Variants in KCNK2 observed in about 807,000 individuals in gnomAD.
The protein encoded by KCNK2 is potassium channel subfamily K member 2.
In KCNK2, 21 loss-of-function variants were observed where a neutral mutation model predicts 40.5. That is an observed-to-expected ratio of 0.52 (90% confidence interval 0.37 to 0.75). The LOEUF (loss-of-function observed/expected upper bound fraction) is 0.75. KCNK2 is among the 30% of genes least tolerant of loss of function. KCNK2 has a pLI of 0.00. For synonymous variants in KCNK2, 191 were observed against 202.2 expected (o/e 0.94, Z 0.47); for missense variants, 399 against 531.6 (o/e 0.75, Z 2.45).
intron 3 of KCNK2, among the ~76,000 whole-genome samples, chr1:215,153,133 G>A (rs1468862930): frequency 6.6e-6 from 1 of 152,194 alleles, no homozygotes; most frequent in Non-Finnish European, 1.5e-5. Flanking sequence ...TTATCCAAAA[G>A]TGTTGCTTAC....
At chr1:215,035,255 C>T (rs1657345381) in intron 1 of KCNK2, among the ~76,000 whole-genome samples, 1 of 152,020 alleles carries the variant, frequency 6.6e-6, no homozygotes, top group Non-Finnish European at 1.5e-5. Flanking sequence ...CCTGTCAACC[C>T]CTGACATCCT....
In KCNK2 at chr1:215,138,490, G is replaced by A. The variant is rs568039306; in HGVS notation, c.475+13740G>A. Among the ~76,000 whole-genome samples the A allele has an allele frequency of 2.0e-5, 3 of 152,272 alleles. No homozygotes were observed. The South Asian group carries it at 6.2e-4, about 32-fold the overall frequency. On this transcript the variant is annotated intron_variant, in intron 3 of 6. Coordinates refer to ENST00000444842, the MANE Select transcript of KCNK2 (RefSeq NM_001017425.3). ...ATTGTGGGTGTATAGACCAGGTACA[G>A]CGGCTCACTCTTATAATCCCATCAC... is the stretch of plus-strand genomic sequence containing the variant.
intron 6 of KCNK2, among the ~76,000 whole-genome samples, chr1:215,204,432 C>G (rs958917990): frequency 6.6e-6 from 1 of 151,748 alleles, no homozygotes; most frequent in African/African-American, 2.4e-5. Flanking sequence ...GTTTCTGTCT[C>G]AAAGCTCTTT....
At chr1:215,112,605 A>T (rs1660743811) in intron 2 of KCNK2, among the ~76,000 whole-genome samples, 1 of 151,882 alleles carries the variant, frequency 6.6e-6, no homozygotes, top group Non-Finnish European at 1.5e-5. Context: ...CTCACCACTC[A>T]CTCACTGGCT....
At chr1:215,057,102 C>A (rs1330353726) in intron 1 of KCNK2, among the ~76,000 whole-genome samples, 1 of 152,114 alleles carries the variant, frequency 6.6e-6, no homozygotes, top group South Asian at 2.1e-4. Context: ...CCTAAACCTG[C>A]CCCTAGCCAT....
intron 6 of KCNK2, among the ~76,000 whole-genome samples, chr1:215,207,027 C>A (rs1301976216): frequency 6.6e-6 from 1 of 152,138 alleles, no homozygotes; most frequent in Non-Finnish European, 1.5e-5. Flanking sequence ...CAAATTCATT[C>A]TATTGGATAT....
At chr1:215,221,561 T>C (rs1268108573) in intron 6 of KCNK2, among the ~76,000 whole-genome samples, 2 of 151,830 alleles carry the variant, frequency 1.3e-5, no homozygotes, top group African/African-American at 4.8e-5. Flanking sequence ...AAAGAGAAAA[T>C]ATATTTACTA....
chr1:215,128,482 T>C (rs1661531877), intron 3 of KCNK2, among the ~76,000 whole-genome samples: 1 of 152,118 alleles, frequency 6.6e-6, no homozygotes, highest in African/African-American at 2.4e-5. Flanking sequence ...GAGACAACAT[T>C]TCCACGTATG....
chr1:215,053,193 G>A (rs1658048378), intron 1 of KCNK2, among the ~76,000 whole-genome samples: 1 of 152,136 alleles, frequency 6.6e-6, no homozygotes, highest in African/African-American at 2.4e-5. Context: ...TGCAGGCAAG[G>A]TGAACAAGTC....
intron 5 of KCNK2, among the ~76,000 whole-genome samples, chr1:215,175,345 G>C (rs540096690): frequency 6.6e-6 from 1 of 152,188 alleles, no homozygotes; most frequent in East Asian, 1.9e-4. Flanking sequence ...ATACAGAAAG[G>C]TGGAGTTAAA....
intron 2 of KCNK2, among the ~76,000 whole-genome samples, chr1:215,090,783 A>G (rs545850349): frequency 1.3e-5 from 2 of 152,290 alleles, no homozygotes; most frequent in East Asian, 1.9e-4. Flanking sequence ...AAGATATTCT[A>G]TCTGTTTTGT....
intron 3 of KCNK2, among the ~76,000 whole-genome samples, chr1:215,151,610 T>G (rs1662687512): frequency 2.0e-5 from 3 of 152,134 alleles, no homozygotes; most frequent in Admixed American, 1.3e-4. Context: ...GTGCATTATA[T>G]TTATGCATAG....
At chr1:215,112,415 T>C (rs1434617879) in intron 2 of KCNK2, among the ~76,000 whole-genome samples, 1 of 152,124 alleles carries the variant, frequency 6.6e-6, no homozygotes, top group Non-Finnish European at 1.5e-5. Context: ...TATACAGCTG[T>C]ACAATGTGTT....
chr1:215,217,132 T>G (rs1189409239), intron 6 of KCNK2, among the ~76,000 whole-genome samples: 1 of 152,220 alleles, frequency 6.6e-6, no homozygotes. Context: ...CTTCTATTTC[T>G]TTTGCTGCCT....
At chr1:215,095,154 AT>A (rs1659923628) in intron 2 of KCNK2, among the ~76,000 whole-genome samples, 1 of 152,114 alleles carries the variant, frequency 6.6e-6, no homozygotes, top group African/African-American at 2.4e-5. Context: ...AGTAAATTAT[AT>A]TACTTAATTC....
chr1:215,095,970 G>C (rs1659960283), intron 2 of KCNK2, among the ~76,000 whole-genome samples: 1 of 152,098 alleles, frequency 6.6e-6, no homozygotes, highest in Admixed American at 6.6e-5. Flanking sequence ...ATGACTAGGT[G>C]AGGTAAATCA....
rs72735348 is a variant in KCNK2 at position 215,116,449 on chromosome 1, T to C, written c.358-8184T>C. Among the ~76,000 whole-genome samples, 916 of 152,208 alleles carry C rather than the reference T, an allele frequency of 6.0e-3. 5 individuals carry two copies. Among genetic ancestry groups the C allele is most frequent in the Middle Eastern group, 0.02 (6 of 294 alleles). ...CAACCCAAATACCCAGCAGTATGCT[T>C]CATGGTTTCTGGCCCTTCAATGATA... On this transcript the variant is annotated intron_variant, in intron 2 of 6. Transcript: ENST00000444842.
intron 1 of KCNK2, among the ~76,000 whole-genome samples, chr1:215,013,715 C>T (rs1023261368): frequency 6.6e-6 from 1 of 152,026 alleles, no homozygotes; most frequent in Non-Finnish European, 1.5e-5. Flanking sequence ...TGTCTGTTTC[C>T]AATTTTCATT....
intron 2 of KCNK2, among the ~76,000 whole-genome samples, chr1:215,090,114 C>A (rs1213116009): frequency 1.3e-5 from 2 of 152,170 alleles, no homozygotes; most frequent in Non-Finnish European, 2.9e-5. Flanking sequence ...ATGTGAGCCA[C>A]TGCACCCCGC....
Sources: allele counts gnomAD v4.1 joint callset (sites outside exome capture counted in the v4.1 genomes callset), GRCh38; gene constraint gnomAD v4.1.1; transcripts MANE v1.5; gene names NCBI Gene and HGNC (gene_info 2026-07-23, HGNC 2026-07-21).